B4GALT1: variants seen among roughly 807,000 people sequenced by gnomAD.
The protein encoded by B4GALT1 is beta-1,4-galactosyltransferase 1.
Under a neutral mutation model 34.9 loss-of-function variants are expected in B4GALT1, and 16 were observed. The ratio of observed to expected loss-of-function variants is 0.46; its 90% CI spans 0.31 to 0.70. The LOEUF is 0.70. Ranked by LOEUF, B4GALT1 falls within the 30% of genes least tolerant of loss-of-function variation. The pLI is 0.05. For synonymous variants in B4GALT1, 221 were observed against 218.1 expected (o/e 1.01, Z -0.12); for missense variants, 445 against 530.5 (o/e 0.84, Z 1.58).
chr9:33,150,150 T>C (rs563659272), intron 1 of B4GALT1, among the ~76,000 whole-genome samples: 2 of 119,886 alleles, frequency 1.7e-5, no homozygotes, highest in Non-Finnish European at 3.7e-5. Flanking sequence ...TATAGATATA[T>C]ACACACACAC....
rs1261052777 is a variant in B4GALT1, at chr9:33,111,135, G to C, written c.*2319C>G. 1 of 152,322 alleles carries C rather than the reference G, an allele frequency of 6.6e-6. No homozygotes were observed. The highest frequency in any genetic ancestry group is 2.4e-5 in the African/African-American group (1 of 41,348). 9.4% of individuals were successfully genotyped at this position (152,322 alleles called of 1,614,324 possible). On this transcript the variant is annotated 3_prime_UTR_variant, in exon 6 of 6. Transcript: ENST00000379731. The stretch of plus-strand genomic sequence containing the variant: ...AACATCCAGGCCTAACTGTGCCCTG[G>C]CTGTGCCTTGGGCCCAGGTGAGCCC...
intron 1 of B4GALT1, among the ~76,000 whole-genome samples, chr9:33,150,458 C>A (rs1385043761): frequency 1.3e-5 from 2 of 150,000 alleles, no homozygotes; most frequent in East Asian, 3.9e-4. Context: ...TCAAAATGAG[C>A]TATAAAATGC....
intron 3 of B4GALT1, among the ~76,000 whole-genome samples, chr9:33,119,964 G>T (rs10971416): frequency 0.039 from 5,869 of 152,238 alleles, 158 homozygotes; most frequent in Non-Finnish European, 0.062. Context: ...CAGATGGATT[G>T]CTTGAGCTCA....
At chr9:33,104,350 GT>G (rs1475239405) in exon 3 of B4GALT1, 1 of 155,470 alleles carries the variant, frequency 6.4e-6, no homozygotes, top group Non-Finnish European at 1.4e-5. Context: ...TCAGCCCCTA[GT>G]TTCCACCAAC....
intron 1 of B4GALT1, among the ~76,000 whole-genome samples, chr9:33,136,246 G>A (rs1457106406): frequency 6.6e-6 from 1 of 152,204 alleles, no homozygotes; most frequent in Admixed American, 6.5e-5. Flanking sequence ...AAGTAAGTTA[G>A]TAAGAGAGTG....
At chr9:33,127,494 C>T (rs1371567919) in intron 2 of B4GALT1, among the ~76,000 whole-genome samples, 1 of 152,196 alleles carries the variant, frequency 6.6e-6, no homozygotes, top group Non-Finnish European at 1.5e-5. Context: ...AATGTGTAAA[C>T]CATATCTGAA....
the B4GALT1 span, among the ~76,000 whole-genome samples, chr9:33,184,287 CAA>C: frequency 1.1e-3 from 159 of 142,778 alleles, 1 homozygote; most frequent in Non-Finnish European, 1.5e-3. Flanking sequence ...CACACACACA[CAA>C]AAACATAGGA....
chr9:33,128,077 C>T (rs980457917), intron 2 of B4GALT1, among the ~76,000 whole-genome samples: 1 of 151,982 alleles, frequency 6.6e-6, no homozygotes, highest in Admixed American at 6.6e-5. Context: ...GCAGTGGCAG[C>T]GGTAGTTAGG....
chr9:33,130,409 A>T (rs1840176897), intron 2 of B4GALT1, among the ~76,000 whole-genome samples: 1 of 151,282 alleles, frequency 6.6e-6, no homozygotes, highest in Non-Finnish European at 1.5e-5. Context: ...CTTGAAATCC[A>T]CGTCTCAGAG....
intron 1 of B4GALT1, among the ~76,000 whole-genome samples, chr9:33,138,460 T>A (rs1439251019): frequency 6.6e-6 from 1 of 152,070 alleles, no homozygotes; most frequent in African/African-American, 2.4e-5. Flanking sequence ...GACAAATCCT[T>A]GCTCCCACCT....
At chr9:33,125,383 G>C (rs1055378458) in intron 2 of B4GALT1, among the ~76,000 whole-genome samples, 8 of 152,228 alleles carry the variant, frequency 5.3e-5, no homozygotes, top group Admixed American at 1.3e-4. Flanking sequence ...GAAGGGTTAG[G>C]TGCTTGTTAA....
rs1315751635 is a variant in B4GALT1 at position 33,113,554 on chromosome 9, A to G, written c.1097T>C (p.Met366Thr). Reference protein sequence around the residue: ...FDRIAHTKETMLSDGLNSLTY... With the variant: ...FDRIAHTKETTLSDGLNSLTY... The stretch of plus-strand genomic sequence containing the variant: ...GAGTGAGTTCAAACCATCAGAGAGC[A>G]TTGTCTCCTTTGTGTGTGCAATTCG... Residue 366 changes from methionine (M) to threonine (T), a missense_variant, in exon 6 of 6, where the codon ATG becomes ACG. By Grantham distance (81) the Met-to-Thr change is moderately conservative. This residue lies in a region of B4GALT1 where 89 missense variants were observed against 107.6 expected (regional missense o/e 0.83). Transcript: ENST00000379731. The G allele has an allele frequency of 6.2e-7, 1 of 1,614,272 alleles. No homozygotes were observed. Among genetic ancestry groups the G allele is most frequent in the Non-Finnish European group, 8.5e-7 (1 of 1,180,054 alleles).
chr9:33,125,044 C>G (rs1840071149), intron 2 of B4GALT1, among the ~76,000 whole-genome samples: 1 of 152,184 alleles, frequency 6.6e-6, no homozygotes, highest in Admixed American at 6.5e-5. Context: ...ACAGTTATCC[C>G]TTCCTTCTAG....
intron 2 of B4GALT1, among the ~76,000 whole-genome samples, chr9:33,133,761 A>C (rs1587737084): frequency 6.6e-6 from 1 of 152,160 alleles, no homozygotes; most frequent in Admixed American, 6.5e-5. Context: ...GTTTCCTTGT[A>C]ACAGGGCTTG....
At chr9:33,173,655 C>G in the B4GALT1 span, among the ~76,000 whole-genome samples, 1 of 148,030 alleles carries the variant, frequency 6.8e-6, no homozygotes, top group African/African-American at 2.5e-5. Context: ...AGAAATTTCC[C>G]AAGGCCATGA....
At chr9:33,123,509 C>A (rs572590334) in intron 2 of B4GALT1, among the ~76,000 whole-genome samples, 1 of 152,062 alleles carries the variant, frequency 6.6e-6, no homozygotes, top group African/African-American at 2.4e-5. Flanking sequence ...CCGTTGAGCA[C>A]TTTCCAACAA....
intron 1 of B4GALT1, among the ~76,000 whole-genome samples, chr9:33,142,613 T>C (rs980434196): frequency 1.3e-5 from 2 of 152,216 alleles, no homozygotes; most frequent in Non-Finnish European, 2.9e-5. Context: ...CTAGGACCTC[T>C]TTTTCTTTTT....
At chr9:33,166,260 T>C (rs1177782454) in intron 1 of B4GALT1, among the ~76,000 whole-genome samples, 1 of 152,190 alleles carries the variant, frequency 6.6e-6, no homozygotes. Context: ...AGAAGTCACT[T>C]GGCCCAAACG....
chr9:33,120,114 G>A (rs1052285629), intron 3 of B4GALT1, among the ~76,000 whole-genome samples: 3 of 151,896 alleles, frequency 2.0e-5, no homozygotes, highest in Admixed American at 6.6e-5. Context: ...AACCCGGGAG[G>A]CAGAGGTTGC....
Sources: allele counts gnomAD v4.1 joint callset (sites outside exome capture counted in the v4.1 genomes callset), GRCh38; gene constraint gnomAD v4.1.1; regional missense constraint gnomAD v4.1.1; transcripts MANE v1.5; gene names NCBI Gene and HGNC (gene_info 2026-07-23, HGNC 2026-07-21).